ST6GALNAC3: variants seen among roughly 807,000 people sequenced by gnomAD.
ST6GALNAC3 encodes the protein alpha-N-acetylgalactosaminide alpha-2,6-sialyltransferase 3.
In ST6GALNAC3, 25 loss-of-function variants were observed where a neutral mutation model predicts 32.7. The observed-to-expected ratio is 0.76, with a 90% confidence interval of 0.56 to 1.07. ST6GALNAC3 has a LOEUF of 1.07. Ranked by LOEUF, ST6GALNAC3 falls within the 50% of genes least tolerant of loss-of-function variation. The pLI is 0.00. For missense variants in ST6GALNAC3, 355 were observed against 382.4 expected (o/e 0.93, Z 0.60); for synonymous variants, 129 against 133.1 (o/e 0.97, Z 0.21).
chr1:76,327,264 A>G (rs1335165579), intron 2 of ST6GALNAC3, among the ~76,000 whole-genome samples: 3 of 146,744 alleles, frequency 2.0e-5, no homozygotes, highest in African/African-American at 7.5e-5. Flanking sequence ...CAGGATGTGT[A>G]TGTATATATG....
intron 3 of ST6GALNAC3, among the ~76,000 whole-genome samples, chr1:76,492,854 C>T (rs956488473): frequency 1.3e-5 from 2 of 152,164 alleles, no homozygotes; most frequent in African/African-American, 4.8e-5. Context: ...TAATGACACT[C>T]ATGAACCATG....
chr1:76,178,906 T>A (rs1653007920), intron 1 of ST6GALNAC3, among the ~76,000 whole-genome samples: 1 of 152,348 alleles, frequency 6.6e-6, no homozygotes, highest in East Asian at 1.9e-4. Context: ...CTTCCTTGTC[T>A]ACTACTGTCA....
chr1:76,134,472 C>T (rs548489795), intron 1 of ST6GALNAC3, among the ~76,000 whole-genome samples: 1 of 152,350 alleles, frequency 6.6e-6, no homozygotes, highest in South Asian at 2.1e-4. Flanking sequence ...CATTCTGTCA[C>T]TGCCATGCTG....
At chr1:76,349,247 C>G (rs543954352) in intron 2 of ST6GALNAC3, among the ~76,000 whole-genome samples, 14 of 152,230 alleles carry the variant, frequency 9.2e-5, no homozygotes, top group African/African-American at 3.1e-4. Context: ...TATCACTTTT[C>G]TAATGAGATT....
At position 76,213,235 on chromosome 1, in the gene ST6GALNAC3, AATCCTCCTGCATG is replaced by A. The variant is rs1043488477; in HGVS notation, c.19-100563_19-100551del. ...GACATGTGGTACTTCAAAACCTAAA[AATCCTCCTGCATG>A]ATCCTCTGCATTTTCTGACTTCCTT... is the stretch of plus-strand genomic sequence containing the variant. On this transcript the variant is annotated intron_variant, in intron 1 of 4. Transcript: ENST00000328299. 3.9e-5 allele frequency among the ~76,000 whole-genome samples: 6 copies of A among 152,166 alleles called. No homozygotes were observed. In the East Asian group the frequency reaches 7.7e-4, roughly 20 times the overall value.
intron 2 of ST6GALNAC3, among the ~76,000 whole-genome samples, chr1:76,399,773 A>AT (rs1653260645): frequency 6.6e-6 from 1 of 152,072 alleles, no homozygotes; most frequent in Non-Finnish European, 1.5e-5. Context: ...AAATGGTGTT[A>AT]TTTTCTCCAC....
chr1:76,622,895 A>G (rs1648737725), intron 3 of ST6GALNAC3, among the ~76,000 whole-genome samples: 1 of 151,968 alleles, frequency 6.6e-6, no homozygotes, highest in Admixed American at 6.6e-5. Context: ...AATGTCACTC[A>G]GTTAGAAGGC....
At chr1:76,383,918 A>G (rs893290344) in intron 2 of ST6GALNAC3, among the ~76,000 whole-genome samples, 5 of 152,204 alleles carry the variant, frequency 3.3e-5, no homozygotes, top group Admixed American at 3.3e-4. Context: ...AGATGTAACA[A>G]ACTAAGAGAT....
chr1:76,444,294 T>A (rs557414375), intron 3 of ST6GALNAC3, among the ~76,000 whole-genome samples: 90 of 152,254 alleles, frequency 5.9e-4, no homozygotes, highest in African/African-American at 2.1e-3. Context: ...AGTAAAGACA[T>A]TTTTTTCTGT....
chr1:76,159,984 A>C (rs1244394502), intron 1 of ST6GALNAC3, among the ~76,000 whole-genome samples: 2 of 152,224 alleles, frequency 1.3e-5, no homozygotes, highest in African/African-American at 4.8e-5. Flanking sequence ...TGCCCTGTTA[A>C]TGATGGCACT....
At chr1:76,478,967 G>A (rs897499944) in intron 3 of ST6GALNAC3, among the ~76,000 whole-genome samples, 31 of 151,776 alleles carry the variant, frequency 2.0e-4, no homozygotes, top group East Asian at 1.9e-4. Context: ...GTTTCACTGT[G>A]TTAGACAGGA....
Position 76,334,530 on chromosome 1 carries a change from G to A in ST6GALNAC3, c.213+20531G>A, listed in dbSNP as rs577715561. On this transcript the variant is annotated intron_variant, in intron 2 of 4. Coordinates refer to ENST00000328299, the MANE Select transcript of ST6GALNAC3 (RefSeq NM_152996.4). ...ATACCATGTTAGAAGTACAAATAAA[G>A]CGATGTTGGACAAATGAAGTGAAAT... Among the ~76,000 whole-genome samples the A allele has an allele frequency of 6.6e-5, 10 of 152,314 alleles. No homozygotes were observed. The South Asian group carries it at 1.0e-3, about 16-fold the overall frequency.
At chr1:76,596,999 A>AGCATAAAAGATTTCTGGGGACAT (rs1280192963) in intron 3 of ST6GALNAC3, among the ~76,000 whole-genome samples, 3 of 152,194 alleles carry the variant, frequency 2.0e-5, no homozygotes, top group African/African-American at 4.8e-5. Context: ...GAGATTTACT[A>AGCATAAAAGATTTCTGGGGACAT]GCATAAAAGA....
intron 2 of ST6GALNAC3, among the ~76,000 whole-genome samples, chr1:76,372,606 A>G (rs1317083992): frequency 1.3e-5 from 2 of 152,178 alleles, no homozygotes; most frequent in African/African-American, 2.4e-5. Context: ...TCATAACATC[A>G]TCTATTTTAA....
chr1:76,627,320 C>A, intron 3 of ST6GALNAC3, 132 bp from the exon 4 acceptor site: 1 of 626,820 alleles, frequency 1.6e-6, no homozygotes, highest in South Asian at 2.0e-5. Context: ...TGTCAAGTTT[C>A]TCAACTCTTT....
intron 3 of ST6GALNAC3, among the ~76,000 whole-genome samples, chr1:76,556,297 G>A (rs923359909): frequency 2.6e-5 from 4 of 152,028 alleles, no homozygotes; most frequent in East Asian, 1.9e-4. Flanking sequence ...GGACATTTGG[G>A]TTGTCACTTT....
chr1:76,522,104 C>T (rs79471088), intron 3 of ST6GALNAC3, among the ~76,000 whole-genome samples: 5 of 144,794 alleles, frequency 3.5e-5, no homozygotes, highest in African/African-American at 1.0e-4. Flanking sequence ...AAAAAAAAAA[C>T]ACCATTCTAA....
At chr1:76,574,242 C>G (rs968595671) in intron 3 of ST6GALNAC3, among the ~76,000 whole-genome samples, 4 of 152,014 alleles carry the variant, frequency 2.6e-5, no homozygotes, top group African/African-American at 7.2e-5. Flanking sequence ...TTTATCTAAA[C>G]TGTGTATCTA....
chr1:76,339,725 A>C (rs2100986953), intron 2 of ST6GALNAC3, among the ~76,000 whole-genome samples: 1 of 152,286 alleles, frequency 6.6e-6, no homozygotes, highest in African/African-American at 2.4e-5. Flanking sequence ...GGGAGAGAGC[A>C]GTGGACCACA....
Sources: gnomAD v4.1 joint callset for allele counts (sites outside exome capture counted in the v4.1 genomes callset) on GRCh38, gnomAD v4.1.1 for gene constraint, MANE v1.5 for transcripts, NCBI Gene and HGNC (gene_info 2026-07-23, HGNC 2026-07-21) for gene names.